Variants in PRKCB observed in about 807,000 individuals in gnomAD.
PRKCB encodes the protein protein kinase C beta, also known as protein kinase C beta type.
PRKCB carries 13 observed loss-of-function variants against 81.5 expected under a neutral mutation model. That is an observed-to-expected ratio of 0.16 (90% confidence interval 0.10 to 0.25). The LOEUF is 0.25. PRKCB is among the 10% of genes least tolerant of loss of function. PRKCB has a pLI of 1.00. For missense variants in PRKCB, 509 were observed against 875.7 expected, an observed-to-expected ratio of 0.58 and a Z score of 5.29; for synonymous variants, 335 against 321.4, an observed-to-expected ratio of 1.04 and a Z score of -0.45.
intron 7 of PRKCB, among the ~76,000 whole-genome samples, chr16:24,109,234 G>A (rs866898268): frequency 2.2e-5 from 2 of 92,344 alleles, no homozygotes; most frequent in African/African-American, 9.1e-5. Flanking sequence ...AGGGGCGGCC[G>A]GGCAGAGGCG....
At chr16:23,908,622 C>A (rs138679351) in intron 2 of PRKCB, among the ~76,000 whole-genome samples, 3,155 of 152,210 alleles carry the variant, frequency 0.021, 59 homozygotes, top group South Asian at 0.055. Flanking sequence ...AGCTCCGCCT[C>A]CCGGGTTCAT....
chr16:24,202,165 A>AC (rs1219490070), intron 16 of PRKCB, among the ~76,000 whole-genome samples: 1 of 150,646 alleles, frequency 6.6e-6, no homozygotes, highest in Non-Finnish European at 1.5e-5. Flanking sequence ...TTGTGCATAA[A>AC]CCTGCTATGT....
In PRKCB at chr16:24,206,680, CCTT is replaced by C. The variant is rs561111219; in HGVS notation, c.1864-7974_1864-7972del. ...ACTCCCTCCAGACAGAGTTCCTGGC[CCTT>C]CTTGGGTTCCTTTCCTCTGTGCTCA... On this transcript the variant is annotated intron_variant, in intron 16 of 16. Coordinates refer to ENST00000643927, the MANE Select transcript of PRKCB (RefSeq NM_002738.7). Among the ~76,000 whole-genome samples the C allele has an allele frequency of 8.7e-4, 132 of 152,284 alleles. 2 individuals are homozygous for C. Among genetic ancestry groups the C allele is most frequent in the African/African-American group, 3.1e-3 (130 of 41,556 alleles).
intron 2 of PRKCB, among the ~76,000 whole-genome samples, chr16:23,914,736 T>C (rs2141737229): frequency 6.6e-6 from 1 of 152,310 alleles, no homozygotes; most frequent in African/African-American, 2.4e-5. Context: ...CCCAATCGAT[T>C]TCACTCATTT....
intron 9 of PRKCB, among the ~76,000 whole-genome samples, chr16:24,126,799 G>A (rs1006313939): frequency 3.3e-5 from 5 of 151,836 alleles, no homozygotes; most frequent in Admixed American, 3.3e-4. Context: ...GCCTCCTAAA[G>A]TGCTGGGATT....
chr16:24,039,086 C>G (rs1368426038), intron 5 of PRKCB, among the ~76,000 whole-genome samples: 1 of 152,100 alleles, frequency 6.6e-6, no homozygotes, highest in African/African-American at 2.4e-5. Context: ...CATTCTGTCT[C>G]CACCAAAGGA....
chr16:24,175,249 G>C (rs902615927), intron 12 of PRKCB, among the ~76,000 whole-genome samples: 1 of 152,130 alleles, frequency 6.6e-6, no homozygotes, highest in Non-Finnish European at 1.5e-5. Context: ...TGTTATGCAA[G>C]AGAGGCTGCA....
At chr16:23,951,542 A>G (rs1964283353) in intron 2 of PRKCB, among the ~76,000 whole-genome samples, 1 of 148,500 alleles carries the variant, frequency 6.7e-6, no homozygotes, top group African/African-American at 2.5e-5. Context: ...TAGCCTCCCT[A>G]GTAAATGGGA....
chr16:23,941,197 A>C (rs1240036420), intron 2 of PRKCB, among the ~76,000 whole-genome samples: 2 of 152,214 alleles, frequency 1.3e-5, no homozygotes, highest in Non-Finnish European at 2.9e-5. Context: ...TAAAGAAGTG[A>C]GCATGGCTGT....
rs150657875 is a variant in PRKCB at position 23,976,537 on chromosome 16, C to T, written c.206-11971C>T. 4.3e-3 allele frequency among the ~76,000 whole-genome samples: 652 copies of T among 152,286 alleles called. 4 individuals carry two copies. Among genetic ancestry groups the T allele is most frequent in the African/African-American group, 0.015 (625 of 41,540 alleles). On this transcript the variant is annotated intron_variant, in intron 2 of 16. Transcript: ENST00000643927. ...TGAGGGCAGCCTTAGCTGGCCCACA[C>T]AATCAGTGAGCCAGTGAAGAGCGAT...
intron 7 of PRKCB, among the ~76,000 whole-genome samples, chr16:24,103,055 T>G (rs1273475138): frequency 6.6e-6 from 1 of 152,180 alleles, no homozygotes; most frequent in Non-Finnish European, 1.5e-5. Context: ...GTATTTTTAG[T>G]TGAGACAAGG....
At chr16:23,877,696 T>C (rs1963038538) in intron 2 of PRKCB, among the ~76,000 whole-genome samples, 1 of 152,234 alleles carries the variant, frequency 6.6e-6, no homozygotes, top group African/African-American at 2.4e-5. Flanking sequence ...TTTCAGTCTT[T>C]AAGCTAAAAA....
intron 3 of PRKCB, among the ~76,000 whole-genome samples, chr16:24,028,001 T>A (rs907364403): frequency 6.6e-6 from 1 of 152,092 alleles, no homozygotes; most frequent in African/African-American, 2.4e-5. Flanking sequence ...AACTCCTGGG[T>A]TCAAGCTCAA....
At chr16:24,036,380 T>C (rs1014529392) in intron 5 of PRKCB, among the ~76,000 whole-genome samples, 3 of 151,928 alleles carry the variant, frequency 2.0e-5, no homozygotes, top group African/African-American at 7.3e-5. Flanking sequence ...TGGCTGGGAG[T>C]GGAGCTAAAA....
intron 2 of PRKCB, among the ~76,000 whole-genome samples, chr16:23,913,691 C>T (rs1446536017): frequency 1.3e-5 from 2 of 152,202 alleles, no homozygotes; most frequent in African/African-American, 4.8e-5. Flanking sequence ...TGCTCCATTT[C>T]TGGGGAAGGA....
intron 2 of PRKCB, among the ~76,000 whole-genome samples, chr16:23,873,183 CACACACAA>C (rs1193274508): frequency 2.2e-5 from 2 of 90,938 alleles, no homozygotes; most frequent in African/African-American, 8.6e-5. Context: ...CACACACACA[CACACACAA>C]AAAAAAAAAA....
chr16:24,108,073 G>C (rs1255518680), intron 7 of PRKCB, among the ~76,000 whole-genome samples: 2 of 152,066 alleles, frequency 1.3e-5, no homozygotes, highest in African/African-American at 4.8e-5. Context: ...AAAGGGGCAG[G>C]GGCAGGCTTT....
At chr16:23,839,407 G>A (rs1962228118) in intron 2 of PRKCB, among the ~76,000 whole-genome samples, 2 of 150,582 alleles carry the variant, frequency 1.3e-5, no homozygotes, top group South Asian at 4.2e-4. Context: ...CTGATTAATT[G>A]GGACTACAAG....
chr16:24,137,044 A>ATTT (rs11321761), intron 9 of PRKCB, among the ~76,000 whole-genome samples: 1 of 139,560 alleles, frequency 7.2e-6, no homozygotes. Context: ...TGCCCGGCTA[A>ATTT]TTTTTTTTTT....
Sources: gnomAD v4.1 joint callset for allele counts (sites outside exome capture counted in the v4.1 genomes callset) on GRCh38, gnomAD v4.1.1 for gene constraint, MANE v1.5 for transcripts, NCBI Gene and HGNC (gene_info 2026-07-23, HGNC 2026-07-21) for gene names.